LRP5: variants seen among roughly 807,000 people sequenced by gnomAD.
LRP5 encodes LDL receptor related protein 5, also known as low-density lipoprotein receptor-related protein 5.
Under a neutral mutation model 154.1 loss-of-function variants are expected in LRP5, and 62 were observed. That is an observed-to-expected ratio of 0.40 (90% CI 0.33 to 0.50). LRP5 has a LOEUF of 0.50. Ranked by LOEUF, LRP5 falls within the 20% of genes least tolerant of loss-of-function variation. The pLI, the probability that LRP5 is intolerant of heterozygous loss-of-function variation, is 0.55. For synonymous variants in LRP5, 966 were observed against 1,011.5 expected (o/e 0.96, Z 0.85); for missense variants, 1,915 against 2,336.7 (o/e 0.82, Z 3.72).
chr11:68,301,077 G>A, the LRP5 span, among the ~76,000 whole-genome samples: 1 of 147,528 alleles, frequency 6.8e-6, no homozygotes, highest in African/African-American at 2.4e-5. Context: ...TGACAGACGT[G>A]CACCACCACG....
At chr11:68,395,966 G>A (rs1050404286) in intron 7 of LRP5, among the ~76,000 whole-genome samples, 7 of 152,146 alleles carry the variant, frequency 4.6e-5, no homozygotes, top group Non-Finnish European at 8.8e-5. Flanking sequence ...GGGTGGATGC[G>A]CCAGTGTTCC....
intron 7 of LRP5, among the ~76,000 whole-genome samples, chr11:68,397,972 T>TTTTGTGTGTGTGTGTG (rs140344378): frequency 7.0e-6 from 1 of 142,092 alleles, no homozygotes; most frequent in Non-Finnish European, 1.5e-5. Context: ...CTGTGTGTGT[T>TTTTGTGTGTGTGTGTG]TGTGTGTGTG....
intron 5 of LRP5, among the ~76,000 whole-genome samples, chr11:68,385,105 G>T (rs1303294562): frequency 6.6e-6 from 1 of 152,214 alleles, no homozygotes; most frequent in Non-Finnish European, 1.5e-5. Flanking sequence ...TTAGGGGCTG[G>T]CAAATCCTGC....
At chr11:68,311,225 T>C (rs1455226760), upstream of LRP5, among the ~76,000 whole-genome samples, 1 of 152,190 alleles carries the variant, frequency 6.6e-6, no homozygotes, top group Admixed American at 6.5e-5. Flanking sequence ...CCATTGCTCG[T>C]GGGGTGCATT....
rs765237837 is a variant in LRP5 at position 68,386,343 on chromosome 11, G to A, written c.1043G>A (p.Arg348Gln). 5 of 1,612,816 alleles carry A rather than the reference G, an allele frequency of 3.1e-6. No individual in the cohort carries two copies. The highest frequency in any genetic ancestry group is 1.3e-5 in the African/African-American group (1 of 74,998). ...GCCGAGGAGGTGCTGCTGCTGGCCC[G>A]GCGGACGGACCTACGGAGGATCTCG... ...AGAEEVLLLA[R>Q]RTDLRRISLD... The change falls in exon 6 of 23, where the codon CGG (arginine) becomes CAG (glutamine). Residue 348 changes from arginine to glutamine, a missense_variant. Around this residue, in one of 3 missense-constraint regions of LRP5, gnomAD observed 773 missense variants for 1,100.9 expected, o/e 0.70. Transcript: ENST00000294304. This position sits in a 1 kb window ranked among gnomAD's most constrained non-coding sequence, Gnocchi z 7.9.
In LRP5 at chr11:68,394,513, T is replaced by C. The variant is rs185877679; in HGVS notation, c.1584+4461T>C. ...TGGAGTCTCGCTCTCTTGCCCAGTC[T>C]GGAGTGCAGTGGCACGATCTCGGCT... is the stretch of plus-strand genomic sequence containing the variant. On this transcript the variant is annotated intron_variant, in intron 7 of 22. Coordinates refer to ENST00000294304, the MANE Select transcript of LRP5 (RefSeq NM_002335.4). Among the ~76,000 whole-genome samples, 24 of 151,932 alleles carry C rather than the reference T, an allele frequency of 1.6e-4. No homozygotes were observed. The East Asian group carries it at 4.6e-3, about 29-fold the overall frequency.
In LRP5 at chr11:68,312,708, G is replaced by A; in HGVS notation, c.-7G>A. 1 of 1,019,722 alleles carries A rather than the reference G, an allele frequency of 9.8e-7. No individual in the cohort carries two copies. Among genetic ancestry groups the A allele is most frequent in the African/African-American group, 1.8e-5 (1 of 56,928 alleles). The allele number at this position is 1,019,722 out of a possible 1,614,324, so 63.2% of individuals were successfully genotyped here. On this transcript the variant is annotated 5_prime_UTR_variant, in exon 1 of 23. Coordinates refer to ENST00000294304, the MANE Select transcript of LRP5 (RefSeq NM_002335.4). ...CGCGGCGCGGGCCCGTCCGGCCGCCGGACAACATGGAGGCAGCGCCGCCCG... is the reference window on the plus strand; with the variant it reads ...CGCGGCGCGGGCCCGTCCGGCCGCCAGACAACATGGAGGCAGCGCCGCCCG...
intron 1 of LRP5, among the ~76,000 whole-genome samples, chr11:68,328,511 C>T (rs11228205): frequency 5.3e-5 from 8 of 152,346 alleles, no homozygotes; most frequent in South Asian, 2.1e-4. Flanking sequence ...GGGAAACGGC[C>T]GCTTCCCTCT....
intron 8 of LRP5, among the ~76,000 whole-genome samples, chr11:68,404,835 T>G (rs2153163714): frequency 6.6e-6 from 1 of 151,824 alleles, no homozygotes; most frequent in African/African-American, 2.4e-5. Context: ...CCGGGTGCGG[T>G]GGCAGGCGCC....
At chr11:68,344,428 C>T (rs945202309) in intron 1 of LRP5, among the ~76,000 whole-genome samples, 2 of 152,146 alleles carry the variant, frequency 1.3e-5, no homozygotes, top group Non-Finnish European at 2.9e-5. Flanking sequence ...AAGTGATTCT[C>T]CTGCCTCAGC....
intron 2 of LRP5, among the ~76,000 whole-genome samples, chr11:68,351,175 C>G (rs1349324456): frequency 6.6e-6 from 1 of 152,124 alleles, no homozygotes; most frequent in Non-Finnish European, 1.5e-5. Flanking sequence ...AGAGCAGCCT[C>G]GTGCCCCCAC....
intron 2 of LRP5, among the ~76,000 whole-genome samples, chr11:68,352,176 A>G (rs1390960167): frequency 6.6e-6 from 1 of 152,204 alleles, no homozygotes; most frequent in Non-Finnish European, 1.5e-5. Flanking sequence ...AGAAAGCAGC[A>G]GCGGGGACAC....
intron 1 of LRP5, among the ~76,000 whole-genome samples, chr11:68,347,374 T>C (rs541009306): frequency 6.6e-6 from 1 of 152,288 alleles, no homozygotes; most frequent in South Asian, 2.1e-4. Context: ...TGGCCTGGGC[T>C]CTGAACCCCT....
intron 1 of LRP5, among the ~76,000 whole-genome samples, chr11:68,318,723 G>C (rs2098594944): frequency 1.3e-5 from 2 of 152,160 alleles, no homozygotes; most frequent in South Asian, 4.1e-4. Flanking sequence ...GGGGCTCAAG[G>C]ACCCCTTCAA....
In LRP5 at chr11:68,323,944, G is replaced by A. The variant is rs116970176; in HGVS notation, c.91+11139G>A. On this transcript the variant is annotated intron_variant, in intron 1 of 22. Transcript: ENST00000294304. ...CCTCCCCGCAGCCGCCTGCTCCCTT[G>A]GGACACTCATTCATTTGCTGTGGCC... Among the ~76,000 whole-genome samples the A allele has an allele frequency of 1.6e-4, 25 of 152,270 alleles. No homozygotes were observed. In the East Asian group the frequency reaches 4.4e-3, roughly 27 times the overall value.
intron 21 of LRP5, among the ~76,000 whole-genome samples, chr11:68,444,803 C>CAGCT (rs1464448445): frequency 6.6e-6 from 1 of 152,094 alleles, no homozygotes; most frequent in Non-Finnish European, 1.5e-5. Context: ...GGGGCTTGGG[C>CAGCT]AGCTGTAGGA....
chr11:68,386,799 A>G lies in LRP5; in HGVS notation c.1412+87A>G. Reference sequence around the variant, plus strand: ...ATTGACCTGGACCTGTCATTCTGGGACACTGTCTTGCATCAGAACCCGGAG... The same window carrying G: ...ATTGACCTGGACCTGTCATTCTGGGGCACTGTCTTGCATCAGAACCCGGAG... On this transcript the variant is annotated intron_variant, in intron 6 of 22. Transcript: ENST00000294304. This position sits in a 1 kb window ranked among gnomAD's most constrained non-coding sequence, Gnocchi z 7.9. 5 of 1,442,110 alleles carry G rather than the reference A, an allele frequency of 3.5e-6. No individual in the cohort carries two copies. Among genetic ancestry groups the G allele is most frequent in the Non-Finnish European group, 3.7e-6 (4 of 1,069,574 alleles). 89.3% of individuals were successfully genotyped at this position (1,442,110 alleles called of 1,614,324 possible).
At chr11:68,446,564 A>C (rs2098681535) in intron 22 of LRP5, 31 bp downstream of exon 22, 3 of 1,572,680 alleles carry the variant, frequency 1.9e-6, no homozygotes, top group Non-Finnish European at 2.6e-6. Context: ...CTCCATGGCC[A>C]TTGGGTTCCC....
intron 22 of LRP5, 99 bp downstream of exon 22, chr11:68,446,632 G>A: frequency 9.2e-7 from 1 of 1,086,604 alleles, no homozygotes; most frequent in South Asian, 1.3e-5. Context: ...AGGTATTCTG[G>A]GTGCTAGTGG....
Sources: gnomAD v4.1 joint callset for allele counts (sites outside exome capture counted in the v4.1 genomes callset) on GRCh38, gnomAD v4.1.1 for gene constraint, gnomAD v4.1.1 regional missense constraint, Gnocchi (gnomAD v3.1) non-coding constraint, MANE v1.5 for transcripts, NCBI Gene and HGNC (gene_info 2026-07-23, HGNC 2026-07-21) for gene names.